MFSD12: variants seen among roughly 807,000 people sequenced by gnomAD.
The protein encoded by MFSD12 is major facilitator superfamily domain-containing protein 12.
A neutral mutation model predicts 51.2 loss-of-function variants in MFSD12; 67 were observed. That is an observed-to-expected ratio of 1.31 (90% confidence interval 1.08 to 1.60). The LOEUF is 1.60. Among genes scored for constraint, MFSD12 ranks in the 40% most tolerant of loss-of-function variants. MFSD12 has a pLI of 0.00. For missense variants in MFSD12, 921 were observed against 673.0 expected (o/e 1.37, Z -4.08); for synonymous variants, 441 against 316.7 (o/e 1.39, Z -4.17).
At chr19:3,553,709 G>A (rs1483256862) in intron 1 of MFSD12, among the ~76,000 whole-genome samples, 11 of 110,792 alleles carry the variant, frequency 9.9e-5, no homozygotes, top group Non-Finnish European at 1.8e-4. Flanking sequence ...GGCAGAGCTT[G>A]CAGTGAGACT....
Position 3,546,075 on chromosome 19 carries a change from G to A in MFSD12, c.1288C>T (p.Pro430Ser). Residue 430 changes from proline (P) to serine (S), a missense_variant and splice_region_variant, in exon 8 of 10, where the codon CCC becomes TCC. Pro to Ser is a moderately conservative substitution (Grantham distance 74). Transcript: ENST00000355415. ...VMAIQSLHPC[P>S]SELCCRACVS... ...GAATGAACGAACAGCGGCACTCACG[G>A]GCAAGGGTGCAGGCTCTGGATGGCC... 6.2e-7 allele frequency: 1 copy of A among 1,613,274 alleles called. No individual in the cohort carries two copies. Among genetic ancestry groups the A allele is most frequent in the East Asian group, 2.2e-5 (1 of 44,872 alleles).
At chr19:3,539,386 G>C (rs1197271277), downstream of MFSD12, 4 of 638,080 alleles carry the variant, frequency 6.3e-6, no homozygotes, top group Non-Finnish European at 1.1e-5. Context: ...AGGCTCATGT[G>C]TGTGACGTCC....
chr19:3,543,442 C>G, downstream of MFSD12: 1 of 1,545,312 alleles, frequency 6.5e-7, no homozygotes, highest in Non-Finnish European at 8.7e-7. Flanking sequence ...GGCACAGCTG[C>G]TACCAACACC....
In MFSD12 at chr19:3,557,211, CCAGCAG is replaced by C; in HGVS notation, c.187_192del (p.Leu63_Leu64del). 1 of 1,580,048 alleles carries C rather than the reference CCAGCAG, an allele frequency of 6.3e-7. No homozygotes were observed. The highest frequency in any genetic ancestry group is 8.6e-7 in the Non-Finnish European group (1 of 1,165,748). On this transcript the variant is annotated inframe_deletion, in exon 1 of 10. Transcript: ENST00000355415. ...GTGCACAGCCCGTCGGCCACCTGGCCCAGCAGCAGCAGCAGCCCCGCGCCGCGGGAG... is the reference window on the plus strand; with the variant it reads ...GTGCACAGCCCGTCGGCCACCTGGCCCAGCAGCAGCCCCGCGCCGCGGGAG...
In MFSD12 at chr19:3,544,861, G is replaced by A. The variant is rs369514845; in HGVS notation, c.1368C>T (p.Ala456=). The change falls in exon 9 of 10, where the codon GCC becomes GCT. Residue 456 remains alanine, a synonymous_variant. Transcript: ENST00000355415. The stretch of plus-strand genomic sequence containing the variant: ...GGAGGCTACAGAGACACAGGGCAGC[G>A]GCCACGCCCACGCCGCCCGTCACAG... ...MVAVTGGVGV[A]AALCLCSLLL... The A allele has an allele frequency of 1.6e-4, 252 of 1,611,824 alleles. 1 individual carries two copies. The highest frequency in any genetic ancestry group is 5.1e-4 in the South Asian group (46 of 91,056).
exon 5 of MFSD12, chr19:3,538,591 C>T (rs1027944410): frequency 3.3e-5 from 14 of 425,864 alleles, no homozygotes; most frequent in Admixed American, 1.3e-4. Flanking sequence ...AAGGTGCATC[C>T]GCACTGTGGC....
chr19:3,538,650 G>GT, exon 5 of MFSD12: 3 of 348,482 alleles, frequency 8.6e-6, no homozygotes, highest in South Asian at 5.0e-5. Flanking sequence ...GTTCCAGCAC[G>GT]GTGGCGGCGC....
At chr19:3,550,113 A>T (rs2031385333) in intron 2 of MFSD12, among the ~76,000 whole-genome samples, 1 of 152,098 alleles carries the variant, frequency 6.6e-6, no homozygotes, top group African/African-American at 2.4e-5. Flanking sequence ...AGCATAGAGG[A>T]GGGACCGCCC....
At chr19:3,539,265 GC>G, downstream of MFSD12, 1 of 1,542,330 alleles carries the variant, frequency 6.5e-7, no homozygotes, top group Non-Finnish European at 8.8e-7. Context: ...GTACAGGTGA[GC>G]CCCTCCCTAC....
chr19:3,557,179 G>A lies in MFSD12; in HGVS notation c.225C>T (p.Leu75=), dbSNP rs750517033. ...CGGCGCGGTCGGCCTCGTAGCCCACGAGCGGTGTGCACAGCCCGTCGGCCA... is the reference window on the plus strand; with the variant it reads ...CGGCGCGGTCGGCCTCGTAGCCCACAAGCGGTGTGCACAGCCCGTCGGCCA... ...GQVADGLCTP[L]VGYEADRAAS... is the part of the protein sequence containing the mutation. Residue 75 remains leucine (L), a synonymous_variant, in exon 1 of 10, where the codon CTC becomes CTT. Coordinates refer to ENST00000355415, the MANE Select transcript of MFSD12 (RefSeq NM_174983.5). The A allele has an allele frequency of 6.5e-6, 10 of 1,547,334 alleles. 1 individual carries two copies. In the South Asian group the frequency reaches 1.1e-4, roughly 17 times the overall value.
downstream of MFSD12, chr19:3,544,006 G>A (rs756837099): frequency 4.0e-5 from 62 of 1,537,592 alleles, no homozygotes; most frequent in Middle Eastern, 6.8e-4. Context: ...CCCACTCCCC[G>A]ATAAAGGCAT....
At chr19:3,540,468 G>C (rs923620791), downstream of MFSD12, among the ~76,000 whole-genome samples, 2 of 151,376 alleles carry the variant, frequency 1.3e-5, no homozygotes, top group Non-Finnish European at 2.9e-5. Context: ...ATGTTGGCCA[G>C]GATGGTCTCG....
At chr19:3,550,910 T>A in intron 2 of MFSD12, 74 bp downstream of exon 2, 2 of 1,291,320 alleles carry the variant, frequency 1.5e-6, no homozygotes, top group South Asian at 1.3e-5. Context: ...TGGCCGCTCA[T>A]TATGCAGTGC....
intron 6 of MFSD12, 21 bp downstream of exon 6, chr19:3,547,251 C>A: frequency 6.2e-7 from 1 of 1,604,022 alleles, no homozygotes; most frequent in Non-Finnish European, 8.5e-7. Flanking sequence ...CCCCAGCTGT[C>A]CCCGGTCCCC....
downstream of MFSD12, chr19:3,543,837 A>G: frequency 6.5e-7 from 1 of 1,533,406 alleles, no homozygotes; most frequent in Non-Finnish European, 8.8e-7. Context: ...AGTGCTCAAC[A>G]GGAACCGGTA....
chr19:3,546,501 C>T (rs1371015750), intron 6 of MFSD12, 76 bp from the exon 7 acceptor site: 18 of 1,482,412 alleles, frequency 1.2e-5, no homozygotes, highest in Admixed American at 4.3e-5. Context: ...GCCACCCCTA[C>T]CCCCAACCCC....
chr19:3,549,292 G>A (rs781769087), intron 2 of MFSD12, among the ~76,000 whole-genome samples: 9 of 152,154 alleles, frequency 5.9e-5, no homozygotes, highest in Non-Finnish European at 5.9e-5. Flanking sequence ...TCCCCTCCCC[G>A]TGGCAGCAGC....
At chr19:3,541,584 G>C (rs1445352097), downstream of MFSD12, 1 of 906,180 alleles carries the variant, frequency 1.1e-6, no homozygotes, top group Admixed American at 6.2e-5. Context: ...GCCTCCCACA[G>C]TGCTGGGATT....
intron 4 of MFSD12, chr19:3,538,990 C>T: frequency 1.6e-6 from 1 of 630,596 alleles, no homozygotes. Context: ...GCCTTGCCCA[C>T]CCACACTGTG....
Sources: gnomAD v4.1 joint callset for allele counts (sites outside exome capture counted in the v4.1 genomes callset) on GRCh38, gnomAD v4.1.1 for gene constraint, MANE v1.5 for transcripts, NCBI Gene and HGNC (gene_info 2026-07-23, HGNC 2026-07-21) for gene names.